The following UCHL1 variants were observed in gnomAD, a reference collection of about 807,000 sequenced individuals.
UCHL1 encodes ubiquitin C-terminal hydrolase L1.
A neutral mutation model predicts 33.3 loss-of-function variants in UCHL1; 5 were observed. The observed-to-expected ratio is 0.15, with a 90% confidence interval of 0.08 to 0.32. The LOEUF is 0.32. UCHL1 is among the 10% of genes least tolerant of loss of function. The pLI, the probability that UCHL1 is intolerant of heterozygous loss-of-function variation, is 1.00. For missense variants in UCHL1, 236 were observed against 280.0 expected, an observed-to-expected ratio of 0.84 and a Z score of 1.12; for synonymous variants, 132 against 108.8, an observed-to-expected ratio of 1.21 and a Z score of -1.33.
At chr4:41,261,121 G>C (rs1781062012) in intron 4 of UCHL1, among the ~76,000 whole-genome samples, 1 of 152,058 alleles carries the variant, frequency 6.6e-6, no homozygotes, top group South Asian at 2.1e-4. Context: ...CTATGTCAGT[G>C]GTTAGCCAGT....
chr4:41,258,467 G>A (rs116458205), intron 3 of UCHL1, among the ~76,000 whole-genome samples: 1 of 152,226 alleles, frequency 6.6e-6, no homozygotes, highest in Non-Finnish European at 1.5e-5. Flanking sequence ...TCCTACAAGT[G>A]TGCATGGATA....
intron 8 of UCHL1, among the ~76,000 whole-genome samples, chr4:41,266,082 T>C (rs1781148000): frequency 1.3e-5 from 2 of 152,128 alleles, no homozygotes; most frequent in South Asian, 4.2e-4. Flanking sequence ...GTGGGGAAGG[T>C]AAAATTTTTG....
Position 41,268,204 on chromosome 4 carries a change from C to A in UCHL1, c.*131C>A. The A allele has an allele frequency of 1.1e-6, 1 of 875,680 alleles. No individual in the cohort carries two copies. Among genetic ancestry groups the A allele is most frequent in the Non-Finnish European group, 1.8e-6 (1 of 544,762 alleles). 54.2% of individuals were successfully genotyped at this position (875,680 alleles called of 1,614,324 possible). ...TTCTTCTGTTCTGCAGACACGCCTT[C>A]CCCTCAGCCACACCCAGGCACTTAA... On this transcript the variant is annotated 3_prime_UTR_variant, in exon 9 of 9. Coordinates refer to ENST00000284440, the MANE Select transcript of UCHL1 (RefSeq NM_004181.5).
At chr4:41,264,235 A>T (rs1363584298) in intron 8 of UCHL1, 74 bp downstream of exon 8, 1 of 1,580,514 alleles carries the variant, frequency 6.3e-7, no homozygotes, top group Non-Finnish European at 8.7e-7. Context: ...TAAAGTGCTA[A>T]CACTCTTCCA....
intron 3 of UCHL1, among the ~76,000 whole-genome samples, chr4:41,258,718 A>T (rs896286378): frequency 6.6e-6 from 1 of 152,226 alleles, no homozygotes; most frequent in African/African-American, 2.4e-5. Context: ...AAGCATCTGT[A>T]GCCAAAATCA....
chr4:41,257,002 A>G lies in UCHL1; in HGVS notation c.26A>G (p.Asn9Ser), dbSNP rs1260591491. 1 of 1,614,040 alleles carries G rather than the reference A, an allele frequency of 6.2e-7. No homozygotes were observed. The highest frequency in any genetic ancestry group is 2.2e-5 in the East Asian group (1 of 44,880). The change falls in exon 1 of 9, where the codon AAC becomes AGC. Residue 9 changes from asparagine to serine, a missense_variant. Coordinates refer to ENST00000284440, the MANE Select transcript of UCHL1 (RefSeq NM_004181.5). MQLKPMEI[N>S]PEMLNKVLSR... The stretch of plus-strand genomic sequence containing the variant: ...ATGCAGCTCAAGCCGATGGAGATCA[A>G]CCCCGAGGTGAGCGCCAGGTGCACC...
chr4:41,264,099 A>G lies in UCHL1; in HGVS notation c.527-4A>G, dbSNP rs780450456. On this transcript the variant is annotated splice_region_variant and splice_polypyrimidine_tract_variant and intron_variant, in intron 7 of 8. Coordinates refer to ENST00000284440, the MANE Select transcript of UCHL1 (RefSeq NM_004181.5). ...AATTGACATGCCTGGCTTCTTTGTTACAGATGGACGAATGCCTTTTCCGGT... is the reference window on the plus strand; with the variant it reads ...AATTGACATGCCTGGCTTCTTTGTTGCAGATGGACGAATGCCTTTTCCGGT... 1 of 1,614,236 alleles carries G rather than the reference A, an allele frequency of 6.2e-7. No individual in the cohort carries two copies. Among genetic ancestry groups the G allele is most frequent in the Admixed American group, 1.7e-5 (1 of 60,018 alleles).
At chr4:41,267,537 C>T (rs60132560) in intron 8 of UCHL1, among the ~76,000 whole-genome samples, 26,064 of 152,064 alleles carry the variant, frequency 0.17, 2,534 homozygotes, top group Non-Finnish European at 0.22. Context: ...TGAGCCACTG[C>T]GCCCGGCCAC....
chr4:41,261,731 G>T lies in UCHL1; in HGVS notation c.342G>T (p.Leu114=). Residue 114 remains leucine (L), a synonymous_variant, in exon 5 of 9, where the codon CTG becomes CTT. Transcript: ENST00000284440. ...DKLGFEDGSV[L]KQFLSETEKM... is the part of the protein sequence containing the mutation. ...TTTTTTAAGAGGATGGATCAGTTCT[G>T]AAACAGTTTCTTTCTGAAACAGAGA... 1 of 1,612,494 alleles carries T rather than the reference G, an allele frequency of 6.2e-7. No homozygotes were observed. Among genetic ancestry groups the T allele is most frequent in the South Asian group, 1.1e-5 (1 of 91,008 alleles).
chr4:41,263,925 G>A (rs531851533), intron 7 of UCHL1, among the ~76,000 whole-genome samples, 178 bp from the exon 8 acceptor site: 5 of 151,096 alleles, frequency 3.3e-5, no homozygotes, highest in Admixed American at 2.0e-4. Flanking sequence ...GAATTGCCTG[G>A]GATGGATGCC....
At position 41,268,049 on chromosome 4, in the gene UCHL1, C is replaced by A. The variant is rs781389075; in HGVS notation, c.648C>A (p.Ala216=). ...EREQGEVRFS[A]VALCKAA ...AGCAAGGAGAAGTCCGCTTCTCTGC[C>A]GTGGCTCTCTGCAAGGCAGCCTAAT... The change falls in exon 9 of 9, where the codon GCC becomes GCA. Residue 216 remains alanine, a synonymous_variant. Transcript: ENST00000284440. 2.0e-5 allele frequency: 33 copies of A among 1,613,326 alleles called. No individual in the cohort carries two copies. The highest frequency in any genetic ancestry group is 2.5e-5 in the Non-Finnish European group (29 of 1,179,792).
Position 41,261,737 on chromosome 4 carries a change from G to C in UCHL1, c.348G>C (p.Gln116His). 6.2e-7 allele frequency: 1 copy of C among 1,612,936 alleles called. No individual in the cohort carries two copies. The highest frequency in any genetic ancestry group is 1.3e-5 in the African/African-American group (1 of 74,954). ...AAGAGGATGGATCAGTTCTGAAACA[G>C]TTTCTTTCTGAAACAGAGAAAATGT... Reference protein sequence around the residue: ...LGFEDGSVLKQFLSETEKMSP... With the variant: ...LGFEDGSVLKHFLSETEKMSP... Residue 116 changes from glutamine to histidine, a missense_variant, in exon 5 of 9, where the codon CAG (glutamine) becomes CAC (histidine). Transcript: ENST00000284440.
chr4:41,267,637 T>C (rs944428192), intron 8 of UCHL1, among the ~76,000 whole-genome samples: 3 of 152,250 alleles, frequency 2.0e-5, no homozygotes, highest in African/African-American at 4.8e-5. Context: ...TATGCCACCT[T>C]ATGGAAGAAA....
chr4:41,262,012 G>A lies in UCHL1; in HGVS notation c.459+89G>A, dbSNP rs1343548734. On this transcript the variant is annotated intron_variant, in intron 6 of 8. Transcript: ENST00000284440. ...TGCAGGAATCTCTTACTGGAACACA[G>A]CAAATGTTATCCACCCAAGGCCAAA... 8 of 1,547,920 alleles carry A rather than the reference G, an allele frequency of 5.2e-6. No individual in the cohort carries two copies. The African/African-American group carries it at 1.1e-4, about 21-fold the overall frequency.
chr4:41,264,504 G>T, intron 8 of UCHL1: 2 of 386,194 alleles, frequency 5.2e-6, no homozygotes, highest in Non-Finnish European at 9.8e-6. Flanking sequence ...CAAAACAGCA[G>T]CCTTTCATAA....
chr4:41,259,521 ATCT>A (rs1781037578), intron 3 of UCHL1, among the ~76,000 whole-genome samples: 1 of 152,204 alleles, frequency 6.6e-6, no homozygotes, highest in African/African-American at 2.4e-5. Flanking sequence ...GTTTAAGTTG[ATCT>A]TCTGGGGTAA....
intron 8 of UCHL1, among the ~76,000 whole-genome samples, chr4:41,265,410 T>C (rs1168171252): frequency 1.3e-5 from 2 of 152,118 alleles, no homozygotes; most frequent in African/African-American, 4.8e-5. Flanking sequence ...AAACCCCATC[T>C]CTACTAAAAA....
At chr4:41,267,547 C>T (rs1169776734) in intron 8 of UCHL1, among the ~76,000 whole-genome samples, 6 of 152,116 alleles carry the variant, frequency 3.9e-5, no homozygotes, top group Non-Finnish European at 8.8e-5. Flanking sequence ...CGCCCGGCCA[C>T]GTTAAGGCTG....
At chr4:41,266,226 C>CGTTTTTT in intron 8 of UCHL1, among the ~76,000 whole-genome samples, 1 of 136,778 alleles carries the variant, frequency 7.3e-6, no homozygotes, top group Non-Finnish European at 1.6e-5. Context: ...CTGGCTAAAA[C>CGTTTTTT]TTTTTTTTTT....
Sources: gnomAD v4.1 joint callset for allele counts (sites outside exome capture counted in the v4.1 genomes callset) on GRCh38, gnomAD v4.1.1 for gene constraint, MANE v1.5 for transcripts, NCBI Gene and HGNC (gene_info 2026-07-23, HGNC 2026-07-21) for gene names.